Variants in TEX9 observed in about 807,000 individuals in gnomAD.
TEX9 encodes the protein testis-expressed protein 9.
A neutral mutation model predicts 59.6 loss-of-function variants in TEX9; 74 were observed. That is an observed-to-expected ratio of 1.24 (90% CI 1.03 to 1.51). The LOEUF is 1.51. Ranked by LOEUF, TEX9 falls within the 40% of genes most tolerant of loss-of-function variation. TEX9 has a pLI of 0.00. For missense variants in TEX9, 522 were observed against 447.8 expected (o/e 1.17, Z -1.49); for synonymous variants, 186 against 152.2 (o/e 1.22, Z -1.64).
chr15:56,272,466 G>A (rs541740636), intron 1 of TEX9, among the ~76,000 whole-genome samples: 1 of 152,272 alleles, frequency 6.6e-6, no homozygotes, highest in East Asian at 1.9e-4. Context: ...GGTTGAACAA[G>A]ATTTCATTGT....
At chr15:56,341,847 G>A (rs2046377727) in intron 1 of TEX9, among the ~76,000 whole-genome samples, 1 of 152,080 alleles carries the variant, frequency 6.6e-6, no homozygotes, top group Non-Finnish European at 1.5e-5. Context: ...AGTTCTAGGT[G>A]CACATGAGAG....
chr15:56,340,978 G>T (rs1176575372), intron 1 of TEX9, among the ~76,000 whole-genome samples: 1 of 152,074 alleles, frequency 6.6e-6, no homozygotes, highest in Admixed American at 6.6e-5. Flanking sequence ...TCTGAAGTAG[G>T]TCTATTTAGA....
intron 12 of TEX9, among the ~76,000 whole-genome samples, chr15:56,435,106 A>C (rs1170538172): frequency 6.6e-6 from 1 of 152,118 alleles, no homozygotes; most frequent in Non-Finnish European, 1.5e-5. Context: ...GTAGTTAATA[A>C]AAGTGAGACA....
At chr15:56,286,520 C>T (rs2044956968) in intron 1 of TEX9, among the ~76,000 whole-genome samples, 1 of 152,124 alleles carries the variant, frequency 6.6e-6, no homozygotes, top group African/African-American at 2.4e-5. Context: ...TCCCCAGGCA[C>T]TAAACTGGCA....
At chr15:56,277,281 T>G (rs2044694005) in intron 1 of TEX9, among the ~76,000 whole-genome samples, 2 of 152,208 alleles carry the variant, frequency 1.3e-5, no homozygotes, top group African/African-American at 4.8e-5. Flanking sequence ...TGCCTAGGTT[T>G]TCTTCCAGGG....
At chr15:56,267,685 C>A (rs546710850) in intron 1 of TEX9, among the ~76,000 whole-genome samples, 31 of 152,132 alleles carry the variant, frequency 2.0e-4, no homozygotes, top group Non-Finnish European at 2.6e-4. Flanking sequence ...TCATTGATCT[C>A]TATCTCTGTT....
At chr15:56,252,094 T>C (rs930072413) in intron 1 of TEX9, among the ~76,000 whole-genome samples, 34 of 152,164 alleles carry the variant, frequency 2.2e-4, no homozygotes, top group African/African-American at 7.5e-4. Flanking sequence ...TTTTCCCTTA[T>C]CCATTCCCTA....
At chr15:56,249,742 CAAAAAAAAAAAA>C (rs11440856) in intron 1 of TEX9, among the ~76,000 whole-genome samples, 21 of 25,460 alleles carry the variant, frequency 8.2e-4, no homozygotes, top group African/African-American at 1.0e-3. Flanking sequence ...GGATCTGTCT[CAAAAAAAAAAAA>C]AAAAAAAAAA....
intron 1 of TEX9, among the ~76,000 whole-genome samples, chr15:56,261,976 G>A (rs1385188668): frequency 6.6e-6 from 1 of 152,134 alleles, no homozygotes; most frequent in Non-Finnish European, 1.5e-5. Context: ...TCCACCTTCT[G>A]GGGTGCCAGT....
chr15:56,374,958 A>G (rs1211320893), intron 3 of TEX9, among the ~76,000 whole-genome samples: 3 of 152,172 alleles, frequency 2.0e-5, no homozygotes, highest in African/African-American at 7.2e-5. Flanking sequence ...GTTAGTGGAC[A>G]CTTTGGTTGC....
At chr15:56,427,546 A>T in intron 10 of TEX9, 59 bp from the exon 11 acceptor site, 2 of 1,199,738 alleles carry the variant, frequency 1.7e-6, no homozygotes, top group Non-Finnish European at 1.1e-6. Flanking sequence ...GATAGTCTAT[A>T]ATTCTTTCCA....
chr15:56,322,175 T>G (rs2045918072), intron 1 of TEX9, among the ~76,000 whole-genome samples: 2 of 152,072 alleles, frequency 1.3e-5, no homozygotes, highest in East Asian at 3.9e-4. Flanking sequence ...GCTTCAGGTC[T>G]GCGGATCAGC....
chr15:56,306,509 A>G (rs752345888), intron 1 of TEX9, among the ~76,000 whole-genome samples: 1 of 152,222 alleles, frequency 6.6e-6, no homozygotes, highest in Non-Finnish European at 1.5e-5. Context: ...AGCCAAGCAC[A>G]GGACAAACTT....
At position 56,443,729 on chromosome 15, in the gene TEX9, A is replaced by G. The variant is rs574200232; in HGVS notation, c.*30-1942A>G. 20 of 1,613,160 alleles carry G rather than the reference A, an allele frequency of 1.2e-5. No homozygotes were observed. In the African/African-American group the frequency reaches 1.3e-4, roughly 11 times the overall value. On this transcript the variant is annotated intron_variant, in intron 12 of 12. Transcript: ENST00000352903. ...TTGCTGCTGCATGTTAGCAAACTCT[A>G]TGATTTTTCTGTTTTCTTCTTCCAT...
At chr15:56,426,624 T>TATATATAC (rs2050281569) in intron 10 of TEX9, among the ~76,000 whole-genome samples, 2 of 41,580 alleles carry the variant, frequency 4.8e-5, no homozygotes, top group Non-Finnish European at 6.9e-5. Flanking sequence ...TATATATATA[T>TATATATAC]ATACACACAC....
chr15:56,388,315 T>C (rs1412480114), intron 4 of TEX9, among the ~76,000 whole-genome samples, 157 bp from the exon 5 acceptor site: 1 of 152,102 alleles, frequency 6.6e-6, no homozygotes, highest in Non-Finnish European at 1.5e-5. Flanking sequence ...TTGTTTATGG[T>C]ACTCATTCAA....
At chr15:56,336,759 T>G (rs932529340) in intron 1 of TEX9, among the ~76,000 whole-genome samples, 3 of 152,156 alleles carry the variant, frequency 2.0e-5, no homozygotes, top group African/African-American at 7.2e-5. Context: ...GGTATGGCCC[T>G]TCAGAATTAT....
intron 2 of TEX9, among the ~76,000 whole-genome samples, chr15:56,368,220 A>G (rs1429050880): frequency 6.6e-6 from 1 of 152,082 alleles, no homozygotes; most frequent in Non-Finnish European, 1.5e-5. Context: ...TTCCCTAATT[A>G]ATTCAGCTGT....
the TEX9 span, among the ~76,000 whole-genome samples, chr15:56,455,317 G>C: frequency 7.1e-6 from 1 of 141,672 alleles, no homozygotes; most frequent in Non-Finnish European, 1.5e-5. Flanking sequence ...GGCCCAAAAA[G>C]ATAGTTTGAG....
Sources: allele counts gnomAD v4.1 joint callset (sites outside exome capture counted in the v4.1 genomes callset), GRCh38; gene constraint gnomAD v4.1.1; transcripts MANE v1.5; gene names NCBI Gene and HGNC (gene_info 2026-07-23, HGNC 2026-07-21).